The following CFAP44 variants were observed in gnomAD, a reference collection of about 807,000 sequenced individuals.
CFAP44 encodes the protein cilia and flagella associated protein 44.
In CFAP44, 134 loss-of-function variants were observed where a neutral mutation model predicts 216.2. The observed-to-expected ratio is 0.62, with a 90% CI of 0.54 to 0.72. The LOEUF (loss-of-function observed/expected upper bound fraction) is 0.72, where lower values mean the gene tolerates loss of function less well. Among genes scored for constraint, CFAP44 ranks in the 30% least tolerant of loss-of-function variants. The pLI is 0.00. For synonymous variants in CFAP44, 700 were observed against 727.6 expected (o/e 0.96, Z 0.61); for missense variants, 2,035 against 2,182.1 (o/e 0.93, Z 1.34).
chr3:113,382,078 G>A (rs901637548), intron 15 of CFAP44, among the ~76,000 whole-genome samples: 3 of 152,128 alleles, frequency 2.0e-5, no homozygotes, highest in Non-Finnish European at 4.4e-5. Context: ...AAGTCCTGTG[G>A]AACATTTGCT....
chr3:113,413,981 T>A (rs1428489545), intron 6 of CFAP44, among the ~76,000 whole-genome samples: 2 of 152,186 alleles, frequency 1.3e-5, no homozygotes, highest in African/African-American at 4.8e-5. Flanking sequence ...ATTGATTCTT[T>A]CTATCCATGA....
chr3:113,296,956 T>C, intron 32 of CFAP44, 71 bp from the exon 33 acceptor site: 2 of 1,487,070 alleles, frequency 1.3e-6, no homozygotes, highest in African/African-American at 1.4e-5. Flanking sequence ...CCAGGAACAA[T>C]AACATTCTAA....
chr3:113,341,343 C>T (rs943594438), intron 24 of CFAP44, among the ~76,000 whole-genome samples: 1 of 150,202 alleles, frequency 6.7e-6, no homozygotes, highest in Non-Finnish European at 1.5e-5. Flanking sequence ...CATATCAATA[C>T]TGGATTTTTT....
intron 1 of CFAP44, among the ~76,000 whole-genome samples, chr3:113,438,785 A>G (rs1347513245): frequency 6.6e-6 from 1 of 152,132 alleles, no homozygotes; most frequent in African/African-American, 2.4e-5. Context: ...TACTTCAACC[A>G]TTCAAATAAT....
intron 22 of CFAP44, among the ~76,000 whole-genome samples, chr3:113,353,895 C>T (rs767504184): frequency 6.6e-6 from 1 of 152,078 alleles, no homozygotes; most frequent in Non-Finnish European, 1.5e-5. Context: ...AAAAGAAACA[C>T]CTGAAAGGAA....
chr3:113,426,386 C>G, intron 3 of CFAP44, 109 bp from the exon 4 acceptor site: 1 of 1,196,780 alleles, frequency 8.4e-7, no homozygotes, highest in African/African-American at 1.5e-5. Context: ...TGGGAGAGAC[C>G]TGGTAGGAGG....
At chr3:113,392,156 C>T (rs978939816) in intron 15 of CFAP44, among the ~76,000 whole-genome samples, 2 of 152,098 alleles carry the variant, frequency 1.3e-5, no homozygotes, top group African/African-American at 4.8e-5. Context: ...CCTAAGTATC[C>T]ATCAACAGAT....
chr3:113,418,074 A>G (rs1042251862), intron 5 of CFAP44, among the ~76,000 whole-genome samples: 1 of 151,388 alleles, frequency 6.6e-6, no homozygotes, highest in Admixed American at 6.6e-5. Context: ...TTATTTATTT[A>G]TTTATTTATT....
chr3:113,297,373 C>T (rs1446841679), intron 32 of CFAP44, among the ~76,000 whole-genome samples: 1 of 152,084 alleles, frequency 6.6e-6, no homozygotes, highest in African/African-American at 2.4e-5. Flanking sequence ...CCTTACCACC[C>T]TACTCTAGAC....
rs1441836618 is a variant in CFAP44, at chr3:113,344,669, T to C, written c.3109A>G (p.Ile1037Val). 1 of 1,533,984 alleles carries C rather than the reference T, an allele frequency of 6.5e-7. No homozygotes were observed. The highest frequency in any genetic ancestry group is 2.4e-5 in the East Asian group (1 of 40,876). The change falls in exon 23 of 35, where the codon ATA (isoleucine) becomes GTA (valine). Residue 1037 changes from isoleucine to valine, a missense_variant. Physicochemically the swap from Ile to Val is conservative, Grantham distance 29. Transcript: ENST00000393845. ...GAGGATATCTTGTGGTCACTCAGTA[T>C]GGCATGAACCACAATAGTATCACTT... ...LESDTIVVHA[I>V]LSDHKISSYR...
intron 22 of CFAP44, among the ~76,000 whole-genome samples, chr3:113,357,992 G>T (rs1460553042): frequency 6.6e-6 from 1 of 151,940 alleles, no homozygotes; most frequent in African/African-American, 2.4e-5. Flanking sequence ...TTTAAAGAAA[G>T]ATTAAAAAGC....
chr3:113,294,665 G>T (rs80077295), intron 34 of CFAP44, 22 bp downstream of exon 34: 2 of 1,499,320 alleles, frequency 1.3e-6, no homozygotes, highest in Non-Finnish European at 8.8e-7. Flanking sequence ...TCCGAAAAAG[G>T]GTCTGAAGGT....
intron 5 of CFAP44, among the ~76,000 whole-genome samples, chr3:113,419,777 C>G (rs1025543299): frequency 3.3e-5 from 5 of 152,142 alleles, no homozygotes; most frequent in African/African-American, 9.7e-5. Context: ...TCTATAAGCC[C>G]ATTTCCTTAT....
Position 113,400,531 on chromosome 3 carries a change from G to A in CFAP44, c.1474+14C>T. The A allele has an allele frequency of 1.3e-6, 2 of 1,544,790 alleles. No homozygotes were observed. The highest frequency in any genetic ancestry group is 2.5e-5 in the South Asian group (2 of 79,548). On this transcript the variant is annotated intron_variant, in intron 12 of 34. Transcript: ENST00000393845. The stretch of plus-strand genomic sequence containing the variant: ...ACAAGGCCAGACATATTTTTATTAA[G>A]AGTTCCTACTTACAGTCCAAGGCAG...
intron 12 of CFAP44, among the ~76,000 whole-genome samples, chr3:113,400,327 G>A (rs1413449001): frequency 6.6e-6 from 1 of 152,030 alleles, no homozygotes. Context: ...GCATTTTCAT[G>A]AGCAATTTAC....
Position 113,359,610 on chromosome 3 carries a change from T to G in CFAP44, c.2935-735A>C, listed in dbSNP as rs934813595. 2.6e-5 allele frequency among the ~76,000 whole-genome samples: 4 copies of G among 152,322 alleles called. No individual in the cohort carries two copies. The South Asian group carries it at 8.3e-4, about 32-fold the overall frequency. ...GTCTTTTAACTATTTTGACCTGGTT[T>G]TTTTAACCAACATGATTAAATCATG... On this transcript the variant is annotated intron_variant, in intron 21 of 34. Coordinates refer to ENST00000393845, the MANE Select transcript of CFAP44 (RefSeq NM_001164496.2).
At chr3:113,421,813 C>T (rs1017372392) in intron 4 of CFAP44, among the ~76,000 whole-genome samples, 7 of 147,410 alleles carry the variant, frequency 4.7e-5, no homozygotes, top group East Asian at 2.0e-4. Flanking sequence ...AAGACAGGAA[C>T]GACAGACACT....
At chr3:113,311,070 C>T (rs1950033220) in intron 28 of CFAP44, among the ~76,000 whole-genome samples, 1 of 151,996 alleles carries the variant, frequency 6.6e-6, no homozygotes, top group Non-Finnish European at 1.5e-5. Context: ...AAAAGAAAAC[C>T]AATAGCTGTC....
intron 24 of CFAP44, among the ~76,000 whole-genome samples, chr3:113,334,154 G>A (rs976379299): frequency 6.6e-6 from 1 of 152,076 alleles, no homozygotes; most frequent in Non-Finnish European, 1.5e-5. Flanking sequence ...GTTTCATCAT[G>A]TTGGCCAGGA....
Sources: gnomAD v4.1 joint callset for allele counts (sites outside exome capture counted in the v4.1 genomes callset) on GRCh38, gnomAD v4.1.1 for gene constraint, MANE v1.5 for transcripts, NCBI Gene and HGNC (gene_info 2026-07-23, HGNC 2026-07-21) for gene names.